Variants in E4F1 observed in about 807,000 individuals in gnomAD.
E4F1 encodes the protein E4F transcription factor 1.
E4F1 carries 30 observed loss-of-function variants against 72.9 expected under a neutral mutation model. That is an observed-to-expected ratio of 0.41 (90% confidence interval 0.31 to 0.56). The LOEUF is 0.56. Among genes scored for constraint, E4F1 ranks in the 20% least tolerant of loss-of-function variants. The pLI is 0.25. For missense variants in E4F1, 1,091 were observed against 1,117.5 expected (o/e 0.98, Z 0.34); for synonymous variants, 542 against 478.2 (o/e 1.13, Z -1.74).
rs781239839 is a variant in E4F1 at position 2,232,863 on chromosome 16, A to G, written c.838A>G (p.Ser280Gly). The G allele has an allele frequency of 6.2e-7, 1 of 1,613,436 alleles. No individual in the cohort carries two copies. Among genetic ancestry groups the G allele is most frequent in the Non-Finnish European group, 8.5e-7 (1 of 1,179,994 alleles). ...CCCCTGCACAGAGAAAATCCGCTTCAGTGTGAGCAAGGACGTGGTTGTCAG... is the reference window on the plus strand; with the variant it reads ...CCCCTGCACAGAGAAAATCCGCTTCGGTGTGAGCAAGGACGTGGTTGTCAG... ...LTPCTEKIRF[S>G]VSKDVVVSKE... Residue 280 changes from serine to glycine, a missense_variant, in exon 6 of 14, where the codon AGT (serine) becomes GGT (glycine). Ser to Gly is a moderately conservative substitution (Grantham distance 56, BLOSUM62 0). Around this residue, in one of 5 missense-constraint regions of E4F1, gnomAD observed 101 missense variants for 97.4 expected, o/e 1.04. Transcript: ENST00000301727.
At chr16:2,226,279 G>T (rs988548595) in intron 1 of E4F1, among the ~76,000 whole-genome samples, 7 of 152,192 alleles carry the variant, frequency 4.6e-5, no homozygotes, top group African/African-American at 1.7e-4. Context: ...AGAGGTTGCT[G>T]GGCCTGCTTG....
At chr16:2,228,266 T>C in intron 1 of E4F1, 106 bp from the exon 2 acceptor site, 1 of 1,462,550 alleles carries the variant, frequency 6.8e-7, no homozygotes, top group Non-Finnish European at 9.4e-7. Context: ...CTGCTTCTGA[T>C]GGCCTCCTGG....
chr16:2,232,892 A>G lies in E4F1; in HGVS notation c.867A>G (p.Lys289=). Residue 289 remains lysine (K), a synonymous_variant, in exon 6 of 14, where the codon AAA becomes AAG. Transcript: ENST00000301727. ...FSVSKDVVVS[K]EDARAGSGAG... ...TGAGCAAGGACGTGGTTGTCAGCAA[A>G]GAGGACGCACGTGCAGGTCAGCATG... 6.2e-7 allele frequency: 1 copy of G among 1,613,358 alleles called. No individual in the cohort carries two copies. Among genetic ancestry groups the G allele is most frequent in the Non-Finnish European group, 8.5e-7 (1 of 1,180,008 alleles).
rs151069167 is a variant in E4F1 at position 2,234,630 on chromosome 16, C to T, written c.1641C>T (p.His547=). The T allele has an allele frequency of 6.7e-5, 108 of 1,601,296 alleles. No individual in the cohort carries two copies. The highest frequency in any genetic ancestry group is 1.6e-4 in the South Asian group (14 of 89,134). Residue 547 remains histidine (H), a synonymous_variant, in exon 11 of 14, where the codon CAC becomes CAT. Transcript: ENST00000301727. ...GGACACACCTGGAGGAGAAGCCGCA[C>T]GTGTGCCAGTTCTGCAGCCGTGGCT... ...HFRTHLEEKP[H]VCQFCSRGFR...
In E4F1 at chr16:2,233,494, G is replaced by A. The variant is rs138215085; in HGVS notation, c.1113G>A (p.Leu371=). ...GCGAGGGCAGCCGTGAGAACCTGCT[G>A]CACCAGGCCATGCAGAACTCCGGCA... ...CSSEGSRENL[L]HQAMQNSGIV... is the part of the protein sequence containing the mutation. Residue 371 remains leucine, a synonymous_variant, in exon 8 of 14, where the codon CTG becomes CTA. Coordinates refer to ENST00000301727, the MANE Select transcript of E4F1 (RefSeq NM_004424.5). 7.9e-6 allele frequency: 12 copies of A among 1,511,816 alleles called. No homozygotes were observed. In the African/African-American group the frequency reaches 1.7e-4, roughly 21 times the overall value. The allele number at this position is 1,511,816 out of a possible 1,614,324, so 93.7% of individuals were successfully genotyped here.
chr16:2,234,491 G>T, intron 10 of E4F1, 92 bp from the exon 11 acceptor site: 1 of 1,563,742 alleles, frequency 6.4e-7, no homozygotes, highest in Non-Finnish European at 8.7e-7. Context: ...GCTCAGTCTT[G>T]ACCCAGCCCC....
intron 3 of E4F1, chr16:2,231,940 A>G (rs540714147): frequency 8.8e-6 from 5 of 568,166 alleles, no homozygotes; most frequent in African/African-American, 5.7e-5. Context: ...GGGGCCCTGG[A>G]GCATCTCTGG....
chr16:2,234,123 G>C, intron 9 of E4F1, 48 bp from the exon 10 acceptor site: 1 of 1,595,028 alleles, frequency 6.3e-7, no homozygotes, highest in Non-Finnish European at 8.5e-7. Context: ...AGGCGGCCTG[G>C]CGGGCCCGCG....
Position 2,235,692 on chromosome 16 carries a change from A to C in E4F1, c.*120A>C. The stretch of plus-strand genomic sequence containing the variant: ...AGGATGGAGGCGCCCCAAGACGGAC[A>C]GTGTACATAAGAGTTTCTTGTTGCT... On this transcript the variant is annotated 3_prime_UTR_variant, in exon 14 of 14. Transcript: ENST00000301727. The C allele has an allele frequency of 1.3e-6, 1 of 782,914 alleles. No homozygotes were observed. Among genetic ancestry groups the C allele is most frequent in the Non-Finnish European group, 2.0e-6 (1 of 504,894 alleles). 48.5% of individuals were successfully genotyped at this position (782,914 alleles called of 1,614,324 possible).
At position 2,225,663 on chromosome 16, in the gene E4F1, G is replaced by C. The variant is rs547548045; in HGVS notation, c.157+1893G>C. Reference sequence around the variant, plus strand: ...AATTTTGCATTTTTAGTAGAGACTGGATTTCTCCATGTTGGCCAGGCTGGT... The same window carrying C: ...AATTTTGCATTTTTAGTAGAGACTGCATTTCTCCATGTTGGCCAGGCTGGT... On this transcript the variant is annotated intron_variant, in intron 1 of 13. Transcript: ENST00000301727. Among the ~76,000 whole-genome samples, 20 of 151,396 alleles carry C rather than the reference G, an allele frequency of 1.3e-4. 1 individual carries two copies. The highest frequency in any genetic ancestry group is 2.4e-4 in the Non-Finnish European group (16 of 67,816).
intron 3 of E4F1, 70 bp downstream of exon 3, chr16:2,229,745 CTGCCTGTATG>C: frequency 6.6e-7 from 1 of 1,522,234 alleles, no homozygotes; most frequent in Non-Finnish European, 9.0e-7. Flanking sequence ...GGGGCCCCTG[CTGCCTGTATG>C]CTCGTCTCTC....
In E4F1 at chr16:2,223,806, C is replaced by T. The variant is rs1370546826; in HGVS notation, c.157+36C>T. ...CGACCCGGAGGGTGCGGCCGGGGTG[C>T]GGGCAGTTCATCCCGGGCTGGCAGA... On this transcript the variant is annotated intron_variant, in intron 1 of 13. Coordinates refer to ENST00000301727, the MANE Select transcript of E4F1 (RefSeq NM_004424.5). 5 of 1,534,566 alleles carry T rather than the reference C, an allele frequency of 3.3e-6. No homozygotes were observed. The South Asian group carries it at 4.8e-5, about 15-fold the overall frequency.
rs778936219 is a variant in E4F1, at chr16:2,232,588, G to T, written c.730+12G>T. ...CCGGCGGCACACGGGTGAGCTGGCC[G>T]CACCTCGGGCTGGAGCCCGGTAGCA... is the stretch of plus-strand genomic sequence containing the variant. On this transcript the variant is annotated intron_variant, in intron 5 of 13. Transcript: ENST00000301727. 4 of 1,611,136 alleles carry T rather than the reference G, an allele frequency of 2.5e-6. No homozygotes were observed. Among genetic ancestry groups the T allele is most frequent in the South Asian group, 2.2e-5 (2 of 91,000 alleles).
At chr16:2,233,305 G>A in intron 7 of E4F1, 122 bp downstream of exon 7, 2 of 1,454,656 alleles carry the variant, frequency 1.4e-6, no homozygotes, top group Non-Finnish European at 9.1e-7. Flanking sequence ...CTTCCCACAG[G>A]GAGAGCAGGG....
rs758627188 is a variant in E4F1 at position 2,232,235 on chromosome 16, C to G, written c.480C>G (p.Ala160=). ...AEAELGDGEM[A]EAPGSPRQQG... ...CGGAGCTGGGAGACGGTGAGATGGC[C>G]GAGGCCCCGGGCAGCCCCCGCCAGC... The change falls in exon 4 of 14, where the codon GCC becomes GCG. Residue 160 remains alanine, a synonymous_variant. Transcript: ENST00000301727. The G allele has an allele frequency of 3.1e-5, 50 of 1,612,542 alleles. No homozygotes were observed. The Admixed American group carries it at 8.2e-4, about 26-fold the overall frequency.
Position 2,235,668 on chromosome 16 carries a change from G to A in E4F1, c.*96G>A. Reference sequence around the variant, plus strand: ...CTGGCCTGGTAGAGAAGATGGCACAGGATGGAGGCGCCCCAAGACGGACAG... The same window carrying A: ...CTGGCCTGGTAGAGAAGATGGCACAAGATGGAGGCGCCCCAAGACGGACAG... On this transcript the variant is annotated 3_prime_UTR_variant, in exon 14 of 14. Transcript: ENST00000301727. 4 of 1,064,400 alleles carry A rather than the reference G, an allele frequency of 3.8e-6. No homozygotes were observed. Among genetic ancestry groups the A allele is most frequent in the African/African-American group, 1.6e-5 (1 of 62,728 alleles). 65.9% of individuals were successfully genotyped at this position (1,064,400 alleles called of 1,614,324 possible). A position where few individuals can be genotyped will look rare whatever the true frequency, so the allele number is the denominator to read the frequency against.
rs1453770928 is a variant in E4F1 at position 2,232,829 on chromosome 16, G to A, written c.804G>A (p.Lys268=). 1 of 1,613,498 alleles carries A rather than the reference G, an allele frequency of 6.2e-7. No homozygotes were observed. Among genetic ancestry groups the A allele is most frequent in the Admixed American group, 1.7e-5 (1 of 60,030 alleles). Residue 268 remains lysine (K), a synonymous_variant, in exon 6 of 14, where the codon AAG becomes AAA. Transcript: ENST00000301727. ...RESGALTRHL[K]SLTPCTEKIR... ...CGGGTGCACTGACCCGGCACCTCAAGTCTCTCACCCCCTGCACAGAGAAAA... is the reference window on the plus strand; with the variant it reads ...CGGGTGCACTGACCCGGCACCTCAAATCTCTCACCCCCTGCACAGAGAAAA...
At chr16:2,234,428 C>A (rs771770366) in intron 10 of E4F1, 40 bp downstream of exon 10, 9 of 1,606,630 alleles carry the variant, frequency 5.6e-6, no homozygotes, top group Middle Eastern at 1.7e-4. Context: ...CTGATCCCCC[C>A]ATCCTGCTCC....
rs775396942 is a variant in E4F1, at chr16:2,235,361, C to A, written c.2144C>A (p.Thr715Asn). Reference protein sequence around the residue: ...AAAADTITIATPESLTEQVAM... With the variant: ...AAAADTITIANPESLTEQVAM... ...GCCGCCGACACCATCACCATCGCCA[C>A]CCCCGAGAGCCTGACAGAGCAGGTG... Residue 715 changes from threonine (T) to asparagine (N), a missense_variant, in exon 14 of 14, where the codon ACC becomes AAC. Thr to Asn is a moderately conservative substitution (Grantham distance 65). This residue lies in a region of E4F1 where 622 missense variants were observed against 628.0 expected (regional missense o/e 0.99). Transcript: ENST00000301727. 5 of 1,609,744 alleles carry A rather than the reference C, an allele frequency of 3.1e-6. No homozygotes were observed. The highest frequency in any genetic ancestry group is 4.2e-6 in the Non-Finnish European group (5 of 1,179,898).
Sources: allele counts gnomAD v4.1 joint callset (sites outside exome capture counted in the v4.1 genomes callset), GRCh38; gene constraint gnomAD v4.1.1; regional missense constraint gnomAD v4.1.1; transcripts MANE v1.5; gene names NCBI Gene and HGNC (gene_info 2026-07-23, HGNC 2026-07-21).